IFT122: variants seen among roughly 807,000 people sequenced by gnomAD.
IFT122 encodes intraflagellar transport 122.
Under a neutral mutation model 161.6 loss-of-function variants are expected in IFT122, and 118 were observed. The ratio of observed to expected loss-of-function variants is 0.73; its 90% CI spans 0.63 to 0.85. The LOEUF is 0.85. IFT122 is among the 40% of genes least tolerant of loss of function. The pLI is 0.00. For synonymous variants in IFT122, 550 were observed against 602.4 expected (o/e 0.91, Z 1.27); for missense variants, 1,381 against 1,579.6 (o/e 0.87, Z 2.13).
At position 129,494,531 on chromosome 3, in the gene IFT122, C is replaced by T. The variant is rs535411469; in HGVS notation, c.2047-915C>T. ...CTAAGAGTTTGATTCAATGTCTTAT[C>T]GTCCTCCAATATGCTGCTCTTTCTA... On this transcript the variant is annotated intron_variant, in intron 17 of 29. Coordinates refer to ENST00000348417, the MANE Select transcript of IFT122 (RefSeq NM_052989.3). Among the ~76,000 whole-genome samples the T allele has an allele frequency of 5.3e-5, 8 of 152,252 alleles. 1 individual carries two copies. The highest frequency in any genetic ancestry group is 1.9e-4 in the African/African-American group (8 of 41,534).
At chr3:129,440,676 T>G (rs1473919508) in intron 1 of IFT122, among the ~76,000 whole-genome samples, 1 of 152,258 alleles carries the variant, frequency 6.6e-6, no homozygotes, top group Non-Finnish European at 1.5e-5. Flanking sequence ...AGCACGAAGC[T>G]GCTCAAGCTT....
At chr3:129,495,683 T>C (rs1212814374) in intron 18 of IFT122, 76 bp downstream of exon 18, 21 of 1,547,740 alleles carry the variant, frequency 1.4e-5, no homozygotes, top group Admixed American at 1.7e-5. Flanking sequence ...CCAAGTTATT[T>C]TCCCCAAGAG....
chr3:129,494,836 C>T (rs1183758476), intron 17 of IFT122, among the ~76,000 whole-genome samples: 11 of 152,130 alleles, frequency 7.2e-5, no homozygotes, highest in Admixed American at 2.0e-4. Flanking sequence ...TGAGTCTCAG[C>T]GTCCTTCACT....
At chr3:129,484,563 A>G (rs1198130847) in intron 15 of IFT122, among the ~76,000 whole-genome samples, 1 of 152,194 alleles carries the variant, frequency 6.6e-6, no homozygotes, top group African/African-American at 2.4e-5. Context: ...CTACCTATAG[A>G]TGGAACCTCA....
chr3:129,518,860 C>T (rs980837603), intron 27 of IFT122, among the ~76,000 whole-genome samples: 9 of 152,240 alleles, frequency 5.9e-5, no homozygotes, highest in Non-Finnish European at 8.8e-5. Flanking sequence ...TCACAGGGCC[C>T]GCATGTGCTT....
At chr3:129,475,620 C>A (rs2077834421) in intron 9 of IFT122, among the ~76,000 whole-genome samples, 2 of 152,202 alleles carry the variant, frequency 1.3e-5, no homozygotes, top group Admixed American at 1.3e-4. Context: ...CCACTGCACT[C>A]CAGCCTGGGC....
In IFT122 at chr3:129,461,305, G is replaced by T. The variant is rs1559869525; in HGVS notation, c.349+1G>T. 1 of 1,608,406 alleles carries T rather than the reference G, an allele frequency of 6.2e-7. No homozygotes were observed. Reference sequence around the variant, plus strand: ...GCATCTTGTTCCTCCAGTGACTTTGGTACGTTCTGATTCCTGATGTCCTGT... The same window carrying T: ...GCATCTTGTTCCTCCAGTGACTTTGTTACGTTCTGATTCCTGATGTCCTGT... On this transcript the variant is annotated splice_donor_variant, in intron 5 of 29. Transcript: ENST00000348417. LOFTEE classifies it high-confidence loss of function.
chr3:129,515,244 T>A, intron 25 of IFT122: 1 of 601,810 alleles, frequency 1.7e-6, no homozygotes, highest in East Asian at 2.8e-5. Context: ...AAAGTGCCGT[T>A]GAGCGCTGCC....
chr3:129,469,195 A>G, intron 8 of IFT122, 147 bp from the exon 9 acceptor site: 1 of 705,138 alleles, frequency 1.4e-6, no homozygotes, highest in Non-Finnish European at 2.6e-6. Flanking sequence ...GGGTTGGGCC[A>G]AATTATAACT....
intron 26 of IFT122, among the ~76,000 whole-genome samples, chr3:129,516,453 C>G (rs1225577229): frequency 2.0e-5 from 3 of 146,390 alleles, no homozygotes; most frequent in African/African-American, 7.7e-5. Flanking sequence ...CCCACACACA[C>G]AGAGACCGCC....
chr3:129,464,839 GT>G, intron 7 of IFT122, 58 bp downstream of exon 7: 1 of 1,581,138 alleles, frequency 6.3e-7, no homozygotes, highest in South Asian at 1.1e-5. Context: ...AGGGCTTTTT[GT>G]CTTCCTGAGG....
At chr3:129,440,830 T>C (rs1353915561) in intron 1 of IFT122, among the ~76,000 whole-genome samples, 1 of 152,252 alleles carries the variant, frequency 6.6e-6, no homozygotes, top group Non-Finnish European at 1.5e-5. Context: ...TGTCACTTGC[T>C]CTAAATGTTA....
chr3:129,477,320 G>A (rs777796111), intron 11 of IFT122, among the ~76,000 whole-genome samples: 1 of 152,222 alleles, frequency 6.6e-6, no homozygotes, highest in Non-Finnish European at 1.5e-5. Context: ...TAAGACTGCA[G>A]TCTCTCCCTC....
At chr3:129,489,123 A>G (rs989918582) in intron 16 of IFT122, among the ~76,000 whole-genome samples, 3 of 152,114 alleles carry the variant, frequency 2.0e-5, no homozygotes, top group Non-Finnish European at 2.9e-5. Context: ...CCCACAGTCA[A>G]TTAATGAGCT....
intron 18 of IFT122, among the ~76,000 whole-genome samples, 185 bp from the exon 19 acceptor site, chr3:129,499,717 G>C (rs1300066710): frequency 6.6e-6 from 1 of 152,186 alleles, no homozygotes; most frequent in Non-Finnish European, 1.5e-5. Flanking sequence ...CTGCAGGGCA[G>C]CCTGAGATCA....
intron 23 of IFT122, among the ~76,000 whole-genome samples, chr3:129,509,695 A>G (rs563783688): frequency 6.6e-6 from 1 of 152,378 alleles, no homozygotes; most frequent in South Asian, 2.1e-4. Flanking sequence ...GTATTCTACT[A>G]TCAAACAGCA....
intron 23 of IFT122, among the ~76,000 whole-genome samples, chr3:129,508,251 G>A (rs753219859): frequency 1.7e-4 from 26 of 152,306 alleles, no homozygotes; most frequent in Non-Finnish European, 3.5e-4. Context: ...GTTCTTTTTA[G>A]TCACTCCCTG....
At chr3:129,497,356 T>C (rs2080992745) in intron 18 of IFT122, among the ~76,000 whole-genome samples, 1 of 152,244 alleles carries the variant, frequency 6.6e-6, no homozygotes, top group Non-Finnish European at 1.5e-5. Flanking sequence ...GAAAGGCTCT[T>C]CGGTTTGCCA....
At chr3:129,448,740 G>A (rs551446184) in intron 1 of IFT122, among the ~76,000 whole-genome samples, 2 of 151,338 alleles carry the variant, frequency 1.3e-5, no homozygotes, top group South Asian at 4.2e-4. Context: ...CGCCCAGACT[G>A]GAGTGCAGTG....
Sources: allele counts gnomAD v4.1 joint callset (sites outside exome capture counted in the v4.1 genomes callset), GRCh38; gene constraint gnomAD v4.1.1; transcripts MANE v1.5; gene names NCBI Gene and HGNC (gene_info 2026-07-23, HGNC 2026-07-21).